Variants in NXPE2 observed in about 807,000 individuals in gnomAD.
NXPE2 encodes the protein NXPE family member 2.
In NXPE2, 34 loss-of-function variants were observed where a neutral mutation model predicts 34.4. The ratio of observed to expected loss-of-function variants is 0.99; its 90% CI spans 0.75 to 1.31. The LOEUF is 1.31. Among genes scored for constraint, NXPE2 ranks in the 40% most tolerant of loss-of-function variants. NXPE2 has a pLI of 0.00. For synonymous variants in NXPE2, 235 were observed against 231.3 expected (o/e 1.02, Z -0.15); for missense variants, 649 against 672.5 (o/e 0.97, Z 0.39).
At chr11:114,506,914 A>G in the NXPE2 span, among the ~76,000 whole-genome samples, 4 of 152,170 alleles carry the variant, frequency 2.6e-5, no homozygotes, top group Non-Finnish European at 5.9e-5. Context: ...GAGACACAAA[A>G]AAACCCTGCA....
chr11:114,656,082 T>A, the NXPE2 span, among the ~76,000 whole-genome samples: 1 of 152,276 alleles, frequency 6.6e-6, no homozygotes, highest in Non-Finnish European at 1.5e-5. Context: ...CAGCAAAGTC[T>A]CAGGATACAA....
At chr11:114,619,779 A>G in the NXPE2 span, among the ~76,000 whole-genome samples, 1 of 151,972 alleles carries the variant, frequency 6.6e-6, no homozygotes, top group South Asian at 2.1e-4. Flanking sequence ...CCAGGTGGAT[A>G]ATAAGTAATG....
chr11:114,625,414 C>T, the NXPE2 span, among the ~76,000 whole-genome samples: 3 of 150,838 alleles, frequency 2.0e-5, no homozygotes, highest in Non-Finnish European at 4.4e-5. Flanking sequence ...GCCTCATGGG[C>T]AACCACTTCT....
the NXPE2 span, among the ~76,000 whole-genome samples, chr11:114,794,882 C>G: frequency 7.0e-6 from 1 of 142,370 alleles, no homozygotes; most frequent in African/African-American, 2.5e-5. Context: ...AGGAGTAACT[C>G]ATTCTCAGCT....
At chr11:114,602,529 A>G in the NXPE2 span, among the ~76,000 whole-genome samples, 10 of 138,610 alleles carry the variant, frequency 7.2e-5, no homozygotes, top group African/African-American at 2.3e-4. Context: ...ACCACATATG[A>G]TAATTATCTC....
At chr11:114,575,162 CA>C in the NXPE2 span, among the ~76,000 whole-genome samples, 13 of 152,030 alleles carry the variant, frequency 8.6e-5, no homozygotes, top group Non-Finnish European at 1.9e-4. Flanking sequence ...TTAAAACCCT[CA>C]GCAAAATCAA....
the NXPE2 span, among the ~76,000 whole-genome samples, chr11:114,779,806 T>C: frequency 6.6e-6 from 1 of 152,106 alleles, no homozygotes; most frequent in East Asian, 1.9e-4. Context: ...CACACGCCGG[T>C]GATTCCTCCG....
At chr11:114,640,476 AGTG>A in the NXPE2 span, among the ~76,000 whole-genome samples, 3 of 151,644 alleles carry the variant, frequency 2.0e-5, no homozygotes, top group Non-Finnish European at 4.4e-5. Flanking sequence ...GACACCAAGT[AGTG>A]GGATTGCTGC....
chr11:114,567,245 C>T, the NXPE2 span, among the ~76,000 whole-genome samples: 1 of 152,092 alleles, frequency 6.6e-6, no homozygotes, highest in African/African-American at 2.4e-5. Context: ...TGAAGGCCTA[C>T]TGCTTGCATG....
chr11:114,661,445 G>A, the NXPE2 span, among the ~76,000 whole-genome samples: 2 of 152,116 alleles, frequency 1.3e-5, no homozygotes, highest in Non-Finnish European at 2.9e-5. Context: ...AGGATCCATG[G>A]TGAGCCAGCC....
the NXPE2 span, among the ~76,000 whole-genome samples, chr11:114,543,271 G>A: frequency 6.6e-6 from 1 of 151,660 alleles, no homozygotes; most frequent in South Asian, 2.1e-4. Context: ...CAGGAGAATT[G>A]CTTGAACCTG....
the NXPE2 span, among the ~76,000 whole-genome samples, chr11:114,737,074 A>G: frequency 2.0e-5 from 3 of 152,228 alleles, no homozygotes; most frequent in Non-Finnish European, 4.4e-5. Flanking sequence ...CACACGTTGT[A>G]AAACTTGTTT....
chr11:114,510,040 T>C, the NXPE2 span, among the ~76,000 whole-genome samples: 1 of 152,294 alleles, frequency 6.6e-6, no homozygotes, highest in South Asian at 2.1e-4. Flanking sequence ...TAACATAGCA[T>C]GTATTATGAA....
chr11:114,492,860 G>C, the NXPE2 span, among the ~76,000 whole-genome samples: 2 of 152,134 alleles, frequency 1.3e-5, no homozygotes, highest in South Asian at 4.1e-4. Context: ...TTTCTTTGTT[G>C]ATTTTCTGTC....
the NXPE2 span, among the ~76,000 whole-genome samples, chr11:114,621,644 T>A: frequency 6.6e-6 from 1 of 152,180 alleles, no homozygotes; most frequent in Admixed American, 6.5e-5. Context: ...TATTGCCTTG[T>A]GGGTTACCAC....
chr11:114,639,349 G>A, the NXPE2 span, among the ~76,000 whole-genome samples: 4 of 151,978 alleles, frequency 2.6e-5, no homozygotes, highest in South Asian at 2.1e-4. Flanking sequence ...GGAGTGACCC[G>A]ATTTTCCAGG....
the NXPE2 span, among the ~76,000 whole-genome samples, chr11:114,638,719 T>A: frequency 2.6e-5 from 4 of 152,170 alleles, no homozygotes; most frequent in African/African-American, 9.6e-5. Flanking sequence ...TGGTGTTTGC[T>A]AGAAGTCTAC....
At chr11:114,710,410 CA>C (rs1449942981), downstream of NXPE2, among the ~76,000 whole-genome samples, 1 of 152,028 alleles carries the variant, frequency 6.6e-6, no homozygotes, top group Non-Finnish European at 1.5e-5. Flanking sequence ...GGCAATGAGA[CA>C]TTAAAATGGA....
the NXPE2 span, among the ~76,000 whole-genome samples, chr11:114,544,683 T>C: frequency 6.6e-6 from 1 of 152,008 alleles, no homozygotes; most frequent in Non-Finnish European, 1.5e-5. Context: ...TTAGAAATAA[T>C]ATAAAAAGCA....
Sources: gnomAD v4.1 joint callset for allele counts (sites outside exome capture counted in the v4.1 genomes callset) on GRCh38, gnomAD v4.1.1 for gene constraint, MANE v1.5 for transcripts, NCBI Gene and HGNC (gene_info 2026-07-23, HGNC 2026-07-21) for gene names.